ARHGAP6: variants seen among roughly 807,000 people sequenced by gnomAD.
ARHGAP6 encodes Rho GTPase activating protein 6.
A neutral mutation model predicts 55.7 loss-of-function variants in ARHGAP6; 16 were observed. That is an observed-to-expected ratio of 0.29 (90% CI 0.19 to 0.44). The LOEUF (loss-of-function observed/expected upper bound fraction) is 0.44, where lower values mean the gene tolerates loss of function less well. Ranked by LOEUF, ARHGAP6 falls within the 20% of genes least tolerant of loss-of-function variation. The pLI is 1.00. For synonymous variants in ARHGAP6, 382 were observed against 360.9 expected (o/e 1.06, Z -0.66); for missense variants, 698 against 808.9 (o/e 0.86, Z 1.66).
chrX:11,460,995 G>T (rs1017910590), intron 1 of ARHGAP6, among the ~76,000 whole-genome samples: 2 of 111,988 alleles, frequency 1.8e-5, no homozygotes, highest in African/African-American at 6.5e-5. Flanking sequence ...GTTTTCGGGG[G>T]CTCTACTTCT....
chrX:11,358,605 G>A (rs1257649738), intron 1 of ARHGAP6, among the ~76,000 whole-genome samples: 4 of 108,796 alleles, frequency 3.7e-5, no homozygotes, highest in Admixed American at 3.0e-4. Context: ...TCAGCCTCCC[G>A]AGTAGCTGGG....
chrX:11,286,877 G>T (rs1173698664), intron 1 of ARHGAP6, among the ~76,000 whole-genome samples: 1 of 111,985 alleles, frequency 8.9e-6, no homozygotes, highest in African/African-American at 3.2e-5. Context: ...ATAGACACAG[G>T]AAATAGATTG....
rs1412030051 is a variant in ARHGAP6 at position 11,174,561 on chromosome X, CCTTCCTTCCTTCCTTT to C, written c.1629+3523_1629+3538del. The stretch of plus-strand genomic sequence containing the variant: ...TCCTTCCTTCCTTCCTTCCTTCCTT[CCTTCCTTCCTTCCTTT>C]CTTTCTTTCTTTCTTTTTCTTTCTT... On this transcript the variant is annotated intron_variant, in intron 8 of 12. Coordinates refer to ENST00000337414, the MANE Select transcript of ARHGAP6 (RefSeq NM_013427.3). Among the ~76,000 whole-genome samples, 82 of 75,081 alleles carry C rather than the reference CCTTCCTTCCTTCCTTT, an allele frequency of 1.1e-3. 1 individual carries two copies. The highest frequency in any genetic ancestry group is 2.4e-3 in the African/African-American group (44 of 18,142). The allele number at this position is 75,081 out of a possible 115,157, so 65.2% of individuals were successfully genotyped here.
chrX:11,600,206 A>G (rs1217430718), intron 1 of ARHGAP6, among the ~76,000 whole-genome samples: 1 of 111,721 alleles, frequency 9.0e-6, no homozygotes, highest in African/African-American at 3.3e-5. Context: ...CCAAAGGAAA[A>G]CAGTATCAGT....
At chrX:11,345,461 A>G (rs2048768277) in intron 1 of ARHGAP6, among the ~76,000 whole-genome samples, 1 of 112,831 alleles carries the variant, frequency 8.9e-6, no homozygotes, top group Non-Finnish European at 1.9e-5. Context: ...TAACAAATAC[A>G]TAGATACTTG....
intron 1 of ARHGAP6, among the ~76,000 whole-genome samples, chrX:11,372,484 T>C (rs1201726389): frequency 1.8e-5 from 2 of 110,726 alleles, no homozygotes; most frequent in Admixed American, 9.6e-5. Context: ...GGTTAAGAAA[T>C]TATTGTTGAC....
At chrX:11,500,130 G>A (rs1344505290) in intron 1 of ARHGAP6, among the ~76,000 whole-genome samples, 1 of 111,415 alleles carries the variant, frequency 9.0e-6, no homozygotes, top group Non-Finnish European at 1.9e-5. Flanking sequence ...GTACTTGAAA[G>A]GGCATTGAGC....
intron 3 of ARHGAP6, among the ~76,000 whole-genome samples, chrX:11,191,840 C>A (rs1186433887): frequency 9.0e-6 from 1 of 111,544 alleles, no homozygotes; most frequent in African/African-American, 3.3e-5. Context: ...TGAAATGCTC[C>A]CTGTCCTTTG....
chrX:11,575,716 G>A (rs992737348), intron 1 of ARHGAP6, among the ~76,000 whole-genome samples: 1 of 112,126 alleles, frequency 8.9e-6, no homozygotes, highest in Non-Finnish European at 1.9e-5. Context: ...AGAGAATTTG[G>A]CAACTTTGAA....
In ARHGAP6 at chrX:11,162,369, T is replaced by C. The variant is rs1357187318; in HGVS notation, c.1810-5743A>G. Among the ~76,000 whole-genome samples, 6 of 88,426 alleles carry C rather than the reference T, an allele frequency of 6.8e-5. No homozygotes were observed. The East Asian group carries it at 2.0e-3, about 30-fold the overall frequency. 76.8% of individuals were successfully genotyped at this position (88,426 alleles called of 115,157 possible). On this transcript the variant is annotated intron_variant, in intron 9 of 12. Transcript: ENST00000337414. ...CATATTTACTGTGTCACATAATAAATGCTGATGTCGAAAGCCATTTGCAGT... is the reference window on the plus strand; with the variant it reads ...CATATTTACTGTGTCACATAATAAACGCTGATGTCGAAAGCCATTTGCAGT...
chrX:11,339,549 G>A (rs1284975784), intron 1 of ARHGAP6, among the ~76,000 whole-genome samples: 2 of 110,389 alleles, frequency 1.8e-5, no homozygotes, highest in South Asian at 7.8e-4. Flanking sequence ...TCTCCCTCAT[G>A]GTGGGCCCTC....
At chrX:11,431,904 G>A (rs978476220) in intron 1 of ARHGAP6, among the ~76,000 whole-genome samples, 5 of 111,668 alleles carry the variant, frequency 4.5e-5, no homozygotes, top group African/African-American at 6.5e-5. Flanking sequence ...TTTACAGCAG[G>A]GTTTCTCAAC....
chrX:11,410,596 C>G (rs911260227), intron 1 of ARHGAP6, among the ~76,000 whole-genome samples: 4 of 112,370 alleles, frequency 3.6e-5, no homozygotes, highest in Non-Finnish European at 7.5e-5. Flanking sequence ...CTAAAACCCA[C>G]TGAACTGTAC....
intron 1 of ARHGAP6, among the ~76,000 whole-genome samples, chrX:11,508,859 A>G (rs1260146859): frequency 1.8e-5 from 2 of 109,503 alleles, no homozygotes; most frequent in Non-Finnish European, 3.8e-5. Context: ...TACTACACAC[A>G]CACACACACA....
chrX:11,432,696 G>A (rs781242082), intron 1 of ARHGAP6, among the ~76,000 whole-genome samples: 1 of 111,900 alleles, frequency 8.9e-6, no homozygotes, highest in Admixed American at 9.4e-5. Context: ...TCAGAAAGGA[G>A]AGCTGGAGTA....
chrX:11,554,774 T>C (rs1199919910), intron 1 of ARHGAP6, among the ~76,000 whole-genome samples: 1 of 111,305 alleles, frequency 9.0e-6, no homozygotes, highest in Non-Finnish European at 1.9e-5. Context: ...TATTTGAGAG[T>C]GGAAATAAAA....
At chrX:11,652,827 AGC>A (rs964720049) in intron 1 of ARHGAP6, among the ~76,000 whole-genome samples, 1 of 112,012 alleles carries the variant, frequency 8.9e-6, no homozygotes, top group African/African-American at 3.2e-5. Context: ...ATGGGATTTA[AGC>A]ACGACATGGA....
intron 3 of ARHGAP6, among the ~76,000 whole-genome samples, chrX:11,191,486 T>G (rs1016429656): frequency 1.8e-5 from 2 of 112,022 alleles, no homozygotes; most frequent in African/African-American, 3.2e-5. Context: ...GCCTGTATCT[T>G]CAACCTCTTT....
At chrX:11,543,906 A>C (rs964632922) in intron 1 of ARHGAP6, among the ~76,000 whole-genome samples, 10 of 112,934 alleles carry the variant, frequency 8.9e-5, no homozygotes, top group Non-Finnish European at 1.9e-4. Flanking sequence ...TGTTAAAGTC[A>C]AGATTCTCTG....
Sources: gnomAD v4.1 joint callset for allele counts (sites outside exome capture counted in the v4.1 genomes callset) on GRCh38, gnomAD v4.1.1 for gene constraint, MANE v1.5 for transcripts, NCBI Gene and HGNC (gene_info 2026-07-23, HGNC 2026-07-21) for gene names.